Variants in DNAH11 observed in about 807,000 individuals in gnomAD.
DNAH11 encodes dynein axonemal heavy chain 11, also known as axonemal beta dynein heavy chain 11.
DNAH11 carries 442 observed loss-of-function variants against 526.0 expected under a neutral mutation model. That is an observed-to-expected ratio of 0.84 (90% CI 0.78 to 0.91). The LOEUF is 0.91. Ranked by LOEUF, DNAH11 falls within the 40% of genes least tolerant of loss-of-function variation. The probability of loss-of-function intolerance (pLI) is 0.00; values close to 1 mark genes in which losing one functional copy is unlikely to be tolerated. For missense variants in DNAH11, 6,989 were observed against 5,448.7 expected (o/e 1.28, Z -8.90); for synonymous variants, 2,461 against 1,935.9 (o/e 1.27, Z -7.12).
chr7:21,726,131 G>A, intron 45 of DNAH11, 147 bp downstream of exon 45: 1 of 834,340 alleles, frequency 1.2e-6, no homozygotes, highest in Admixed American at 3.6e-5. Context: ...GGCATCTGCT[G>A]AGCTTCTGGG....
chr7:21,727,204 A>G (rs985934308), intron 45 of DNAH11, among the ~76,000 whole-genome samples: 19 of 151,954 alleles, frequency 1.3e-4, no homozygotes, highest in African/African-American at 3.6e-4. Flanking sequence ...GAGTGCTGGG[A>G]TTACAGGCGT....
chr7:21,600,584 T>C, intron 15 of DNAH11, 92 bp from the exon 16 acceptor site: 1 of 1,335,872 alleles, frequency 7.5e-7, no homozygotes, highest in African/African-American at 1.5e-5. Flanking sequence ...CTACTCTCCC[T>C]TTGAAGAATT....
chr7:21,751,535 T>C (rs1297750941), intron 54 of DNAH11, among the ~76,000 whole-genome samples: 1 of 152,172 alleles, frequency 6.6e-6, no homozygotes. Context: ...TCAGGCTTTC[T>C]AGTATGGAAA....
At chr7:21,706,245 T>A (rs979233237) in intron 39 of DNAH11, among the ~76,000 whole-genome samples, 1 of 152,132 alleles carries the variant, frequency 6.6e-6, no homozygotes, top group African/African-American at 2.4e-5. Flanking sequence ...TTGTTTGGTC[T>A]TACTGACAGT....
intron 54 of DNAH11, 140 bp downstream of exon 54, chr7:21,750,504 C>T (rs1786367812): frequency 8.8e-7 from 1 of 1,131,894 alleles, no homozygotes; most frequent in Non-Finnish European, 1.3e-6. Context: ...ACGCCTGTAT[C>T]TGGAGCGTAC....
At chr7:21,860,332 G>A (rs1225110895) in intron 68 of DNAH11, among the ~76,000 whole-genome samples, 2 of 152,022 alleles carry the variant, frequency 1.3e-5, no homozygotes, top group East Asian at 3.9e-4. Flanking sequence ...GGAGAAATTG[G>A]AATCTTTTGG....
In DNAH11 at chr7:21,801,220, C is replaced by G; in HGVS notation, c.10110C>G (p.Asn3370Lys). Residue 3370 changes from asparagine (N) to lysine (K), a missense_variant, in exon 62 of 82, where the codon AAC becomes AAG. Physicochemically the swap from Asn to Lys is moderately conservative, Grantham distance 94. Coordinates refer to ENST00000409508, the MANE Select transcript of DNAH11 (RefSeq NM_001277115.2). ...AEKVRCQEEV[N>K]QTNKTIKLAN... ...AAGTCCGGTGTCAAGAAGAGGTGAA[C>G]CAAACCAACAAAACCATCAAATTAG... The G allele has an allele frequency of 1.2e-6, 2 of 1,613,798 alleles. No individual in the cohort carries two copies. Among genetic ancestry groups the G allele is most frequent in the Non-Finnish European group, 1.7e-6 (2 of 1,179,826 alleles).
chr7:21,620,156 G>C, intron 25 of DNAH11, 78 bp downstream of exon 25: 1 of 1,193,920 alleles, frequency 8.4e-7, no homozygotes, highest in Non-Finnish European at 1.1e-6. Context: ...AGGGTACCAT[G>C]TGATGTTTTG....
At chr7:21,859,458 C>G (rs974141095) in intron 68 of DNAH11, among the ~76,000 whole-genome samples, 1 of 152,318 alleles carries the variant, frequency 6.6e-6, no homozygotes, top group African/African-American at 2.4e-5. Context: ...CCCAAGACAT[C>G]TCATTGTGTA....
intron 54 of DNAH11, among the ~76,000 whole-genome samples, chr7:21,760,581 G>A (rs7791639): frequency 6.6e-6 from 1 of 152,212 alleles, no homozygotes; most frequent in Non-Finnish European, 1.5e-5. Flanking sequence ...AAATTTTGTT[G>A]ATACGTTGGC....
chr7:21,873,388 C>T lies in DNAH11; in HGVS notation c.12082C>T (p.Pro4028Ser), dbSNP rs1378841310. Reference sequence around the variant, plus strand: ...CATGAGTGCTGAGTCTGCACCTACACCAGATGAGCATATCATCCCTCAAGG... The same window carrying T: ...CATGAGTGCTGAGTCTGCACCTACATCAGATGAGCATATCATCCCTCAAGG... ...VFMSAESAPT[P>S]DEHIIPQGLL... Residue 4028 changes from proline (P) to serine (S), a missense_variant, in exon 74 of 82, where the codon CCA (proline) becomes TCA (serine). Transcript: ENST00000409508. 1.2e-6 allele frequency: 2 copies of T among 1,613,824 alleles called. No individual in the cohort carries two copies. The highest frequency in any genetic ancestry group is 1.7e-6 in the Non-Finnish European group (2 of 1,179,860).
At position 21,619,134 on chromosome 7, in the gene DNAH11, CA is replaced by C. The variant is rs1179938835; in HGVS notation, c.4290del (p.Asp1431IlefsTer3). 7 of 1,613,418 alleles carry C rather than the reference CA, an allele frequency of 4.3e-6. No homozygotes were observed. Among genetic ancestry groups the C allele is most frequent in the African/African-American group, 1.3e-5 (1 of 74,866 alleles). Reference sequence around the variant, plus strand: ...TTAATAAATGAAGCCACAACTTTGGCAGATTTGTTAGCACTGCGGTTACACA... The same window carrying C: ...TTAATAAATGAAGCCACAACTTTGGCGATTTGTTAGCACTGCGGTTACACA... Reference protein sequence around the residue: ...KFLINEATTLADLLALRLHRV... With the variant: ...KFLINEATTLXDLLALRLHRV... On this transcript the variant is annotated frameshift_variant, in exon 24 of 82. Transcript: ENST00000409508. LOFTEE classifies it high-confidence loss of function.
At chr7:21,714,071 C>T (rs1484830092) in intron 42 of DNAH11, among the ~76,000 whole-genome samples, 2 of 152,182 alleles carry the variant, frequency 1.3e-5, no homozygotes, top group East Asian at 1.9e-4. Flanking sequence ...AGCAGTGAAT[C>T]TCACAGCTCC....
At chr7:21,587,394 T>C (rs1180467257) in intron 9 of DNAH11, among the ~76,000 whole-genome samples, 2 of 152,138 alleles carry the variant, frequency 1.3e-5, no homozygotes, top group Non-Finnish European at 2.9e-5. Flanking sequence ...CTCTGCTTGC[T>C]AGTAGTTTCT....
chr7:21,680,688 C>G (rs76222674), intron 30 of DNAH11, among the ~76,000 whole-genome samples: 5,590 of 152,134 alleles, frequency 0.037, 175 homozygotes, highest in East Asian at 0.15. Flanking sequence ...GAAAAAAGAC[C>G]AGCAGTTTGA....
intron 25 of DNAH11, among the ~76,000 whole-genome samples, chr7:21,633,729 G>C (rs944578327): frequency 1.3e-5 from 2 of 152,172 alleles, no homozygotes; most frequent in African/African-American, 4.8e-5. Flanking sequence ...GAGACAGAGA[G>C]GCTTTGTGAT....
At chr7:21,614,395 G>A (rs577502758) in intron 20 of DNAH11, among the ~76,000 whole-genome samples, 18 of 152,304 alleles carry the variant, frequency 1.2e-4, no homozygotes, top group African/African-American at 4.1e-4. Flanking sequence ...GACTGAACCT[G>A]AAGGATTGCT....
intron 63 of DNAH11, among the ~76,000 whole-genome samples, chr7:21,813,507 G>A (rs1405208184): frequency 2.0e-5 from 3 of 152,158 alleles, no homozygotes; most frequent in Non-Finnish European, 4.4e-5. Context: ...TTACGTTACT[G>A]TAACATTAGG....
chr7:21,543,356 GGAGGAGGAGAAC>G lies in DNAH11; in HGVS notation c.121_132del (p.Asn41_Glu44del), dbSNP rs1374953511. The G allele has an allele frequency of 6.4e-7, 1 of 1,551,378 alleles. No homozygotes were observed. Among genetic ancestry groups the G allele is most frequent in the African/African-American group, 1.4e-5 (1 of 73,198 alleles). On this transcript the variant is annotated inframe_deletion, in exon 1 of 82. Coordinates refer to ENST00000409508, the MANE Select transcript of DNAH11 (RefSeq NM_001277115.2). ...CAGTGGGCGCTGTGGAGCTCGAGGA[GGAGGAGGAGAAC>G]GAGGAGGAGGCGGCGGCCAGGAGAG...
Sources: allele counts gnomAD v4.1 joint callset (sites outside exome capture counted in the v4.1 genomes callset), GRCh38; gene constraint gnomAD v4.1.1; transcripts MANE v1.5; gene names NCBI Gene and HGNC (gene_info 2026-07-23, HGNC 2026-07-21).